SLC44A1: variants seen among roughly 807,000 people sequenced by gnomAD.
SLC44A1 encodes the protein choline transporter-like protein 1.
Under a neutral mutation model 79.3 loss-of-function variants are expected in SLC44A1, and 26 were observed. The ratio of observed to expected loss-of-function variants is 0.33; its 90% CI spans 0.24 to 0.46. The LOEUF (loss-of-function observed/expected upper bound fraction) is 0.46. SLC44A1 is among the 20% of genes least tolerant of loss of function. The pLI, the probability that SLC44A1 is intolerant of heterozygous loss-of-function variation, is 1.00. For synonymous variants in SLC44A1, 263 were observed against 286.2 expected (o/e 0.92, Z 0.82); for missense variants, 688 against 798.1 (o/e 0.86, Z 1.66).
At chr9:105,304,867 A>G (rs940679629) in intron 2 of SLC44A1, among the ~76,000 whole-genome samples, 4 of 145,456 alleles carry the variant, frequency 2.7e-5, no homozygotes, top group Admixed American at 1.4e-4. Context: ...GGACACTTCA[A>G]TTCTTTTAGG....
Position 105,389,549 on chromosome 9 carries a change from G to C in SLC44A1, c.*493G>C. 9.2e-7 allele frequency: 1 copy of C among 1,084,334 alleles called. No homozygotes were observed. Among genetic ancestry groups the C allele is most frequent in the Non-Finnish European group, 1.1e-6 (1 of 894,326 alleles). 67.2% of individuals were successfully genotyped at this position (1,084,334 alleles called of 1,614,324 possible). Reference sequence around the variant, plus strand: ...TAGGCATATGCTTTCAGATAAATAAGGAATTACTCCAATCAGTTTTCCCCA... The same window carrying C: ...TAGGCATATGCTTTCAGATAAATAACGAATTACTCCAATCAGTTTTCCCCA... On this transcript the variant is annotated 3_prime_UTR_variant, in exon 16 of 16. Coordinates refer to ENST00000374720, the MANE Select transcript of SLC44A1 (RefSeq NM_080546.5).
At chr9:105,356,447 C>A (rs1827626953) in intron 6 of SLC44A1, 66 bp downstream of exon 6, 2 of 1,096,538 alleles carry the variant, frequency 1.8e-6, no homozygotes, top group South Asian at 1.6e-5. Context: ...TGTCTTTTAG[C>A]CAAAATATGA....
chr9:105,287,000 A>G (rs952574267), intron 1 of SLC44A1, among the ~76,000 whole-genome samples: 1 of 152,226 alleles, frequency 6.6e-6, no homozygotes, highest in Admixed American at 6.5e-5. Context: ...AAGGGAGGAC[A>G]GAAAGGGTAG....
rs746530587 is a variant in SLC44A1, at chr9:105,392,399, CTCTCTTTTTTTTTTTTTT to C, written c.*3345_*3362del. On this transcript the variant is annotated 3_prime_UTR_variant, in exon 16 of 16. Coordinates refer to ENST00000374720, the MANE Select transcript of SLC44A1 (RefSeq NM_080546.5). The stretch of plus-strand genomic sequence containing the variant: ...TTTTGTAGAGATGCTCTCTCTCTCT[CTCTCTTTTTTTTTTTTTT>C]TTTTTTTTTTTTTCCGTGAGGGCAT... 3.7e-6 allele frequency: 3 copies of C among 810,100 alleles called. No homozygotes were observed. The highest frequency in any genetic ancestry group is 1.6e-4 in the East Asian group (1 of 6,162). 50.2% of individuals were successfully genotyped at this position (810,100 alleles called of 1,614,324 possible). A position where few individuals can be genotyped will look rare whatever the true frequency, so the allele number is the denominator to read the frequency against.
intron 15 of SLC44A1, chr9:105,438,140 G>GTGTGTGTGTGTGTGTGTGTT: frequency 1.5e-6 from 1 of 652,488 alleles, no homozygotes; most frequent in African/African-American, 1.8e-5. Context: ...CTGTGTGTGT[G>GTGTGTGTGTGTGTGTGTGTT]TGTGTGTGTG....
At chr9:105,425,033 A>G (rs7018526) in intron 15 of SLC44A1, among the ~76,000 whole-genome samples, 12,578 of 151,928 alleles carry the variant, frequency 0.083, 1,710 homozygotes, top group African/African-American at 0.29. Context: ...GTAACACCTC[A>G]CAGATTTTTA....
intron 1 of SLC44A1, among the ~76,000 whole-genome samples, chr9:105,297,387 C>G (rs1554789132): frequency 6.6e-6 from 1 of 151,812 alleles, no homozygotes; most frequent in African/African-American, 2.4e-5. Flanking sequence ...TACTTTTTTT[C>G]TTTGTTTGTT....
At chr9:105,368,610 C>T (rs1165448445) in intron 12 of SLC44A1, among the ~76,000 whole-genome samples, 1 of 152,156 alleles carries the variant, frequency 6.6e-6, no homozygotes, top group Non-Finnish European at 1.5e-5. Flanking sequence ...TTATATCACA[C>T]TTATATACAT....
At chr9:105,253,163 C>T (rs1829628854) in intron 1 of SLC44A1, among the ~76,000 whole-genome samples, 2 of 152,076 alleles carry the variant, frequency 1.3e-5, no homozygotes, top group African/African-American at 4.8e-5. Context: ...TAGGAAAACC[C>T]TTAAAAGCAA....
intron 4 of SLC44A1, among the ~76,000 whole-genome samples, chr9:105,338,679 G>T (rs1826997691): frequency 6.6e-6 from 1 of 152,196 alleles, no homozygotes; most frequent in African/African-American, 2.4e-5. Context: ...CTCTCAAAGT[G>T]CTGGGATTGC....
At chr9:105,263,693 G>A (rs1336247942) in intron 1 of SLC44A1, among the ~76,000 whole-genome samples, 6 of 151,782 alleles carry the variant, frequency 4.0e-5, no homozygotes, top group Admixed American at 3.9e-4. Context: ...CCGCCACCAT[G>A]CCCAGCTAAT....
chr9:105,309,097 A>T (rs1588762551), intron 2 of SLC44A1, among the ~76,000 whole-genome samples: 1 of 152,196 alleles, frequency 6.6e-6, no homozygotes, highest in African/African-American at 2.4e-5. Flanking sequence ...TCACGATGTA[A>T]TTCTTTGACT....
intron 3 of SLC44A1, among the ~76,000 whole-genome samples, chr9:105,332,159 G>A (rs531023887): frequency 8.0e-6 from 1 of 124,590 alleles, no homozygotes; most frequent in Admixed American, 1.0e-4. Flanking sequence ...TCGCTCTGTT[G>A]CCCAGGCTGG....
chr9:105,413,904 A>G (rs1292111750), intron 15 of SLC44A1, among the ~76,000 whole-genome samples: 2 of 152,170 alleles, frequency 1.3e-5, no homozygotes, highest in Non-Finnish European at 2.9e-5. Context: ...GATGTTGTAA[A>G]GCAGTATTGA....
intron 3 of SLC44A1, among the ~76,000 whole-genome samples, chr9:105,314,171 G>C (rs775323567): frequency 6.6e-6 from 1 of 152,174 alleles, no homozygotes; most frequent in African/African-American, 2.4e-5. Context: ...CTGAATTAGT[G>C]AGTGTGTGGA....
At chr9:105,280,754 A>G (rs1330366067) in intron 1 of SLC44A1, among the ~76,000 whole-genome samples, 1 of 152,224 alleles carries the variant, frequency 6.6e-6, no homozygotes, top group Non-Finnish European at 1.5e-5. Context: ...TTGGTGTTTA[A>G]CAACCAGCTC....
intron 5 of SLC44A1, among the ~76,000 whole-genome samples, chr9:105,348,700 T>C (rs1054334918): frequency 6.6e-6 from 1 of 152,122 alleles, no homozygotes. Context: ...GCTTGCTTTT[T>C]TTGTTTTTAT....
intron 13 of SLC44A1, among the ~76,000 whole-genome samples, chr9:105,378,384 TAATC>T (rs1413548399): frequency 1.3e-5 from 2 of 152,230 alleles, no homozygotes; most frequent in African/African-American, 4.8e-5. Flanking sequence ...GTCATTTATT[TAATC>T]AATCCTCAGG....
chr9:105,388,836 T>C (rs138434494), intron 15 of SLC44A1, among the ~76,000 whole-genome samples, 197 bp from the exon 16 acceptor site: 1 of 152,302 alleles, frequency 6.6e-6, no homozygotes, highest in African/African-American at 2.4e-5. Context: ...GCTCTGTGTA[T>C]CTCAGAGATG....
Sources: gnomAD v4.1 joint callset for allele counts (sites outside exome capture counted in the v4.1 genomes callset) on GRCh38, gnomAD v4.1.1 for gene constraint, MANE v1.5 for transcripts, NCBI Gene and HGNC (gene_info 2026-07-23, HGNC 2026-07-21) for gene names.